TSPAN9: variants seen among roughly 807,000 people sequenced by gnomAD.
TSPAN9 encodes tetraspanin 9, also known as tetraspanin-9.
A neutral mutation model predicts 31.0 loss-of-function variants in TSPAN9; 16 were observed. The ratio of observed to expected loss-of-function variants is 0.52; its 90% CI spans 0.35 to 0.78. The LOEUF is 0.78. TSPAN9 is among the 30% of genes least tolerant of loss of function. The probability of loss-of-function intolerance (pLI) is 0.01; values close to 1 mark genes in which losing one functional copy is unlikely to be tolerated. For synonymous variants in TSPAN9, 145 were observed against 121.6 expected (o/e 1.19, Z -1.27); for missense variants, 272 against 312.5 (o/e 0.87, Z 0.98).
rs1253675715 is a variant in TSPAN9, at chr12:3,212,000, C to CT, written c.63+10747dup. 4 of 762,938 alleles carry CT rather than the reference C, an allele frequency of 5.2e-6. No individual in the cohort carries two copies. The African/African-American group carries it at 7.0e-5, about 13-fold the overall frequency. 47.3% of individuals were successfully genotyped at this position (762,938 alleles called of 1,614,324 possible). On this transcript the variant is annotated intron_variant, in intron 3 of 8. Transcript: ENST00000011898. ...TTTCTTTTATTTTTTGAGATATAAT[C>CT]TTTCTCCGTCACCCAGGCTGGAGTG...
intron 2 of TSPAN9, among the ~76,000 whole-genome samples, chr12:3,195,598 C>CTGAT (rs1219698800): frequency 2.0e-5 from 3 of 152,282 alleles, no homozygotes; most frequent in African/African-American, 7.2e-5. Context: ...ATTGTTCCAT[C>CTGAT]TGTACCCCCA....
At chr12:3,255,888 A>G (rs1196254480) in intron 3 of TSPAN9, among the ~76,000 whole-genome samples, 4 of 152,228 alleles carry the variant, frequency 2.6e-5, no homozygotes, top group Non-Finnish European at 5.9e-5. Context: ...AACAAGCTGG[A>G]CACCCCTTTG....
chr12:3,220,216 C>T (rs1275401275), intron 3 of TSPAN9, among the ~76,000 whole-genome samples: 1 of 151,958 alleles, frequency 6.6e-6, no homozygotes, highest in Non-Finnish European at 1.5e-5. Flanking sequence ...CCTGTAACAG[C>T]TACCATTTCT....
At chr12:3,127,201 G>C (rs570920883) in intron 2 of TSPAN9, among the ~76,000 whole-genome samples, 1 of 151,924 alleles carries the variant, frequency 6.6e-6, no homozygotes, top group African/African-American at 2.4e-5. Flanking sequence ...AGGAGTTGGA[G>C]ACCAGCCTGG....
At chr12:3,242,309 C>T (rs1168139231) in intron 3 of TSPAN9, among the ~76,000 whole-genome samples, 2 of 152,240 alleles carry the variant, frequency 1.3e-5, no homozygotes, top group African/African-American at 2.4e-5. Context: ...ACCCGCCCTG[C>T]TCTAGGCTGG....
At chr12:3,227,482 G>A (rs556288186) in intron 3 of TSPAN9, among the ~76,000 whole-genome samples, 14 of 152,356 alleles carry the variant, frequency 9.2e-5, no homozygotes, top group African/African-American at 3.4e-4. Flanking sequence ...GCTGTTTTTA[G>A]TGGGGAGACT....
intron 2 of TSPAN9, among the ~76,000 whole-genome samples, chr12:3,141,771 A>G (rs937531641): frequency 1.3e-5 from 2 of 152,106 alleles, no homozygotes; most frequent in East Asian, 3.9e-4. Flanking sequence ...GGGGCCACCC[A>G]TGCTTAGTCC....
intron 2 of TSPAN9, among the ~76,000 whole-genome samples, chr12:3,121,357 T>C (rs1407001513): frequency 1.0e-4 from 2 of 19,870 alleles, no homozygotes; most frequent in African/African-American, 3.9e-4. Context: ...GTTGGCTTTT[T>C]TTTTTTTTTT....
intron 3 of TSPAN9, among the ~76,000 whole-genome samples, chr12:3,265,292 CAG>C (rs1480920617): frequency 1.3e-5 from 2 of 152,206 alleles, no homozygotes. Flanking sequence ...CAGTGAGTTA[CAG>C]GCACCGCGTG....
chr12:3,144,175 A>G (rs1235192182), intron 2 of TSPAN9, among the ~76,000 whole-genome samples: 1 of 152,086 alleles, frequency 6.6e-6, no homozygotes, highest in Admixed American at 6.6e-5. Flanking sequence ...ATCTTGGCTC[A>G]GTGCAACCTC....
chr12:3,086,550 T>G (rs372398629), intron 2 of TSPAN9, among the ~76,000 whole-genome samples: 1 of 152,174 alleles, frequency 6.6e-6, no homozygotes, highest in African/African-American at 2.4e-5. Context: ...GGAAAAGATC[T>G]GGTAGAGAGC....
chr12:3,213,989 G>A (rs1259235600), intron 3 of TSPAN9, among the ~76,000 whole-genome samples: 1 of 152,182 alleles, frequency 6.6e-6, no homozygotes, highest in Non-Finnish European at 1.5e-5. Flanking sequence ...CTTGTATCTG[G>A]GATCAAAGTG....
At chr12:3,209,633 G>A (rs2098377277) in intron 3 of TSPAN9, among the ~76,000 whole-genome samples, 1 of 152,098 alleles carries the variant, frequency 6.6e-6, no homozygotes, top group Non-Finnish European at 1.5e-5. Flanking sequence ...TGGTGTGCTG[G>A]GATGTTCTGG....
chr12:3,225,158 C>T (rs578183702), intron 3 of TSPAN9, among the ~76,000 whole-genome samples: 12 of 152,270 alleles, frequency 7.9e-5, no homozygotes, highest in Non-Finnish European at 1.6e-4. Flanking sequence ...CACAGGAAGC[C>T]GTAAGGGCAC....
chr12:3,126,599 C>G lies in TSPAN9; in HGVS notation c.-18+42880C>G, dbSNP rs549086423. Among the ~76,000 whole-genome samples the G allele has an allele frequency of 1.1e-4, 16 of 152,296 alleles. No individual in the cohort carries two copies. In the South Asian group the frequency reaches 1.9e-3, roughly 18 times the overall value. ...CACTGCTATAAAGAAATACCTGAGA[C>G]TGGGTAATTTATAAGGACAGAGATT... On this transcript the variant is annotated intron_variant, in intron 2 of 8. Transcript: ENST00000011898.
In TSPAN9 at chr12:3,252,841, C is replaced by T. The variant is rs145722290; in HGVS notation, c.64-25580C>T. 5.4e-3 allele frequency among the ~76,000 whole-genome samples: 816 copies of T among 152,298 alleles called. 6 individuals are homozygous for T. Among genetic ancestry groups the T allele is most frequent in the Non-Finnish European group, 0.01 (701 of 68,016 alleles). The stretch of plus-strand genomic sequence containing the variant: ...CGGGCTGCTGGGGGCGTGTCACTTT[C>T]TCCCTTGAGGGCCGGTGGACATCTG... On this transcript the variant is annotated intron_variant, in intron 3 of 8. Transcript: ENST00000011898.
chr12:3,205,269 C>T (rs1209072978), intron 3 of TSPAN9, among the ~76,000 whole-genome samples: 5 of 152,202 alleles, frequency 3.3e-5, no homozygotes, highest in Admixed American at 2.0e-4. Context: ...CCTTGTGGAT[C>T]GCTCCCTTAA....
At chr12:3,281,108 G>C in intron 6 of TSPAN9, 90 bp from the exon 7 acceptor site, 6 of 1,529,532 alleles carry the variant, frequency 3.9e-6, no homozygotes, top group Non-Finnish European at 5.3e-6. Flanking sequence ...CTTTTGCGGG[G>C]ACTGGGGTTG....
intron 2 of TSPAN9, among the ~76,000 whole-genome samples, chr12:3,141,230 T>G (rs1233827175): frequency 6.6e-6 from 1 of 152,140 alleles, no homozygotes; most frequent in African/African-American, 2.4e-5. Flanking sequence ...CCTTCAGACC[T>G]GCTCCTTGGT....
Sources: gnomAD v4.1 joint callset for allele counts (sites outside exome capture counted in the v4.1 genomes callset) on GRCh38, gnomAD v4.1.1 for gene constraint, MANE v1.5 for transcripts, NCBI Gene and HGNC (gene_info 2026-07-23, HGNC 2026-07-21) for gene names.